Variants in ZNF536 observed in about 807,000 individuals in gnomAD.
ZNF536 encodes zinc finger protein 536.
ZNF536 carries 13 observed loss-of-function variants against 84.5 expected under a neutral mutation model. That is an observed-to-expected ratio of 0.15 (90% CI 0.10 to 0.24). The LOEUF is 0.24. ZNF536 is among the 10% of genes least tolerant of loss of function. The pLI is 1.00. For synonymous variants in ZNF536, 811 were observed against 742.5 expected, an observed-to-expected ratio of 1.09 and a Z score of -1.50; for missense variants, 1,536 against 1,747.5, an observed-to-expected ratio of 0.88 and a Z score of 2.16.
chr19:30,548,794 T>A lies in ZNF536; in HGVS notation c.3175T>A (p.Ser1059Thr), dbSNP rs2146218512. The change falls in exon 4 of 5, where the codon TCA becomes ACA. Residue 1059 changes from serine (S) to threonine (T), a missense_variant. Physicochemically the swap from Ser to Thr is moderately conservative, Grantham distance 58. Coordinates refer to ENST00000355537, the MANE Select transcript of ZNF536 (RefSeq NM_014717.3). Reference sequence around the variant, plus strand: ...GATGGCCCTGCTGCCCTCGTTACAATCAAACAAAGACCTGGGCCTCTCCAA... The same window carrying A: ...GATGGCCCTGCTGCCCTCGTTACAAACAAACAAAGACCTGGGCCTCTCCAA... ...SKMALLPSLQ[S>T]NKDLGLSNMI... 6.2e-7 allele frequency: 1 copy of A among 1,613,684 alleles called. No individual in the cohort carries two copies. Among genetic ancestry groups the A allele is most frequent in the South Asian group, 1.1e-5 (1 of 91,062 alleles).
chr19:30,536,681 A>C (rs2045096307), intron 3 of ZNF536, among the ~76,000 whole-genome samples: 1 of 152,172 alleles, frequency 6.6e-6, no homozygotes, highest in South Asian at 2.1e-4. Context: ...CAGAGGAGTC[A>C]AGGGCTGTAG....
intron 2 of ZNF536, among the ~76,000 whole-genome samples, chr19:30,471,594 C>T (rs1024233691): frequency 2.0e-5 from 3 of 152,182 alleles, no homozygotes; most frequent in Admixed American, 1.3e-4. Flanking sequence ...TGTCCTTGAT[C>T]CCTGGACAGT....
At chr19:30,623,771 A>T (rs1043892805) in intron 1 of ZNF536, among the ~76,000 whole-genome samples, 7 of 151,862 alleles carry the variant, frequency 4.6e-5, no homozygotes, top group African/African-American at 1.7e-4. Context: ...GCCTTTTATT[A>T]CTGTTTGCAT....
chr19:30,343,380 TG>T (rs1297859877), intron 2 of ZNF536, among the ~76,000 whole-genome samples: 1 of 152,050 alleles, frequency 6.6e-6, no homozygotes, highest in African/African-American at 2.4e-5. Flanking sequence ...ATTCCTGGGG[TG>T]GGGGAGCATC....
chr19:30,685,227 C>T (rs916970169), intron 1 of ZNF536, among the ~76,000 whole-genome samples: 1 of 152,288 alleles, frequency 6.6e-6, no homozygotes, highest in East Asian at 1.9e-4. Flanking sequence ...TCTGAGGGTG[C>T]GACTGCACCC....
chr19:30,412,776 A>G (rs1600628900), intron 1 of ZNF536, among the ~76,000 whole-genome samples: 1 of 151,772 alleles, frequency 6.6e-6, no homozygotes, highest in Non-Finnish European at 1.5e-5. Flanking sequence ...GAAACTTTCT[A>G]TCTTTTCTGT....
At chr19:30,633,259 A>G (rs963323067) in intron 1 of ZNF536, among the ~76,000 whole-genome samples, 2 of 152,198 alleles carry the variant, frequency 1.3e-5, no homozygotes, top group Non-Finnish European at 2.9e-5. Flanking sequence ...GTCGATATTC[A>G]ATTGTATTTA....
intron 1 of ZNF536, among the ~76,000 whole-genome samples, chr19:30,675,846 T>A (rs972549160): frequency 4.6e-5 from 7 of 152,156 alleles, no homozygotes; most frequent in African/African-American, 1.7e-4. Flanking sequence ...CTCATGGAAA[T>A]GCACTCTTGC....
intron 2 of ZNF536, among the ~76,000 whole-genome samples, chr19:30,531,631 A>G (rs2044826204): frequency 1.3e-5 from 2 of 151,508 alleles, no homozygotes; most frequent in Non-Finnish European, 2.9e-5. Context: ...CAGTGTCCAT[A>G]TATATTTTTT....
At chr19:30,260,231 A>G (rs1403741890) in intron 1 of ZNF536, among the ~76,000 whole-genome samples, 3 of 152,346 alleles carry the variant, frequency 2.0e-5, no homozygotes, top group East Asian at 3.9e-4. Context: ...CCGTACTGCA[A>G]CAGGTCAGTG....
chr19:30,445,391 A>T lies in ZNF536; in HGVS notation c.1829A>T (p.His610Leu), dbSNP rs747436182. 6.8e-6 allele frequency: 11 copies of T among 1,614,002 alleles called. No homozygotes were observed. Among genetic ancestry groups the T allele is most frequent in the Non-Finnish European group, 5.1e-6 (6 of 1,180,020 alleles). The change falls in exon 2 of 5, where the codon CAC becomes CTC. Residue 610 changes from histidine to leucine, a missense_variant. His to Leu is a moderately conservative substitution (Grantham distance 99). Around this residue, in one of 8 missense-constraint regions of ZNF536, gnomAD observed 366 missense variants for 364.4 expected, o/e 1.00. Coordinates refer to ENST00000355537, the MANE Select transcript of ZNF536 (RefSeq NM_014717.3). This position sits in a 1 kb window ranked among gnomAD's most constrained non-coding sequence, Gnocchi z 4.5. ...GAAAGCAGTCGGGATTTTTTGTCAC[A>T]CGGGCTGAACCAGACTCTCGAGTAT... ...PLESSRDFLS[H>L]GLNQTLEYNL...
intron 1 of ZNF536, among the ~76,000 whole-genome samples, chr19:30,238,736 A>G (rs946039999): frequency 2.6e-5 from 4 of 152,084 alleles, no homozygotes; most frequent in Admixed American, 6.5e-5. Flanking sequence ...GGCACTGTGA[A>G]TGAGAACAGA....
At chr19:30,655,412 A>C (rs1661690902) in intron 1 of ZNF536, among the ~76,000 whole-genome samples, 1 of 152,172 alleles carries the variant, frequency 6.6e-6, no homozygotes, top group Non-Finnish European at 1.5e-5. Flanking sequence ...ATGCAAGGGG[A>C]ATGCCATACT....
At chr19:30,258,804 G>A (rs1238418926) in intron 1 of ZNF536, among the ~76,000 whole-genome samples, 2 of 151,802 alleles carry the variant, frequency 1.3e-5, no homozygotes, top group South Asian at 2.1e-4. Context: ...TGCAACCTCT[G>A]CCTCCTAGGT....
upstream of ZNF536, among the ~76,000 whole-genome samples, chr19:30,371,448 G>A (rs773845606): frequency 6.6e-6 from 1 of 152,112 alleles, no homozygotes; most frequent in Admixed American, 6.5e-5. Context: ...ATTCTTTTTT[G>A]TGAGTCCCTG....
At chr19:30,438,914 T>C (rs1465850145) in intron 1 of ZNF536, among the ~76,000 whole-genome samples, 2 of 152,126 alleles carry the variant, frequency 1.3e-5, no homozygotes, top group Non-Finnish European at 2.9e-5. Context: ...CTCCTGGGGC[T>C]CAGCCTCCCA....
intron 1 of ZNF536, among the ~76,000 whole-genome samples, chr19:30,565,395 C>T (rs1035546793): frequency 6.6e-6 from 1 of 152,114 alleles, no homozygotes; most frequent in East Asian, 1.9e-4. Context: ...CCGAGCCTTG[C>T]CCCGGTGGGG....
chr19:30,683,005 G>T (rs1222525749), intron 1 of ZNF536, among the ~76,000 whole-genome samples: 1 of 152,218 alleles, frequency 6.6e-6, no homozygotes, highest in Non-Finnish European at 1.5e-5. Flanking sequence ...AGGCGCGCGA[G>T]GCTTAGCTGA....
chr19:30,432,641 C>T (rs75363856), intron 1 of ZNF536, among the ~76,000 whole-genome samples: 4,618 of 152,200 alleles, frequency 0.03, 242 homozygotes, highest in African/African-American at 0.11. Context: ...ACGCGGAGCC[C>T]TCATCACCAC....
Sources: gnomAD v4.1 joint callset for allele counts (sites outside exome capture counted in the v4.1 genomes callset) on GRCh38, gnomAD v4.1.1 for gene constraint, gnomAD v4.1.1 regional missense constraint, Gnocchi (gnomAD v3.1) non-coding constraint, MANE v1.5 for transcripts, NCBI Gene and HGNC (gene_info 2026-07-23, HGNC 2026-07-21) for gene names.